Variants in SLC39A6 observed in about 807,000 individuals in gnomAD.
SLC39A6 encodes the protein zinc transporter ZIP6.
A neutral mutation model predicts 63.5 loss-of-function variants in SLC39A6; 51 were observed. The ratio of observed to expected loss-of-function variants is 0.80; its 90% CI spans 0.64 to 1.01. The LOEUF (loss-of-function observed/expected upper bound fraction) is 1.01. SLC39A6 is among the 50% of genes least tolerant of loss of function. The pLI is 0.00. For missense variants in SLC39A6, 805 were observed against 927.8 expected, an observed-to-expected ratio of 0.87 and a Z score of 1.72; for synonymous variants, 318 against 324.7, an observed-to-expected ratio of 0.98 and a Z score of 0.22.
At chr18:36,120,856 A>C (rs984536630) in intron 5 of SLC39A6, among the ~76,000 whole-genome samples, 1 of 152,236 alleles carries the variant, frequency 6.6e-6, no homozygotes, top group Non-Finnish European at 1.5e-5. Context: ...CAAGGTGCTA[A>C]AAAAAGATAT....
intron 9 of SLC39A6, 50 bp from the exon 10 acceptor site, chr18:36,109,795 C>G: frequency 3.3e-6 from 5 of 1,515,260 alleles, no homozygotes; most frequent in Non-Finnish European, 4.5e-6. Context: ...GTTTTTAGAA[C>G]TACAGATTAG....
Position 36,122,017 on chromosome 18 carries a change from G to A in SLC39A6, c.1359+35C>T, listed in dbSNP as rs769973765. The A allele has an allele frequency of 2.3e-5, 33 of 1,431,944 alleles. No homozygotes were observed. The South Asian group carries it at 3.5e-4, about 15-fold the overall frequency. The allele number at this position is 1,431,944 out of a possible 1,614,324, so 88.7% of individuals were successfully genotyped here. ...AGAGTACTACTATAAATAAATATCT[G>A]AAGCATAGTAAGTACTCGGTATACT... On this transcript the variant is annotated intron_variant, in intron 5 of 9. Coordinates refer to ENST00000269187, the MANE Select transcript of SLC39A6 (RefSeq NM_012319.4).
intron 2 of SLC39A6, 148 bp from the exon 3 acceptor site, chr18:36,124,848 G>T: frequency 1.7e-6 from 1 of 578,624 alleles, no homozygotes. Context: ...TTTGGAACTT[G>T]CCTCCAGCTA....
intron 5 of SLC39A6, among the ~76,000 whole-genome samples, chr18:36,118,316 T>G (rs1303602735): frequency 2.0e-5 from 3 of 152,170 alleles, no homozygotes; most frequent in Non-Finnish European, 4.4e-5. Context: ...GAGCTTACTA[T>G]CCACAGGGAG....
intron 6 of SLC39A6, among the ~76,000 whole-genome samples, chr18:36,115,704 G>C (rs2089339819): frequency 6.6e-6 from 1 of 152,174 alleles, no homozygotes; most frequent in Non-Finnish European, 1.5e-5. Context: ...AGCGTGAAAA[G>C]AGGGCCAGTG....
At chr18:36,123,769 G>C (rs2089413242) in intron 3 of SLC39A6, 105 bp from the exon 4 acceptor site, 1 of 1,120,290 alleles carries the variant, frequency 8.9e-7, no homozygotes, top group South Asian at 1.7e-5. Flanking sequence ...AAGGAGAGAA[G>C]CTAAAAACAC....
intron 9 of SLC39A6, among the ~76,000 whole-genome samples, chr18:36,110,182 G>A (rs544887706): frequency 9.2e-5 from 14 of 152,122 alleles, no homozygotes; most frequent in South Asian, 2.1e-4. Flanking sequence ...CAATTTTAGC[G>A]GTAAGATTGG....
rs904765087 is a variant in SLC39A6, at chr18:36,109,186, G to A, written c.*407C>T. 6.6e-6 allele frequency: 1 copy of A among 152,418 alleles called. No individual in the cohort carries two copies. Among genetic ancestry groups the A allele is most frequent in the African/African-American group, 2.4e-5 (1 of 41,364 alleles). The allele number at this position is 152,418 out of a possible 1,614,324, so 9.4% of individuals were successfully genotyped here. ...TCCTTTATTTCTTTGCTTAAATTCA[G>A]TATAAGCTTTCTTGGTATTTTAGGC... On this transcript the variant is annotated 3_prime_UTR_variant, in exon 10 of 10. Transcript: ENST00000269187.
chr18:36,127,151 C>G (rs1598714761), intron 1 of SLC39A6, 135 bp from the exon 2 acceptor site: 1 of 750,840 alleles, frequency 1.3e-6, no homozygotes, highest in African/African-American at 1.8e-5. Flanking sequence ...CAGTGTGACG[C>G]TAGGTACTGT....
chr18:36,117,104 G>A (rs2089352155), intron 5 of SLC39A6, among the ~76,000 whole-genome samples: 1 of 152,212 alleles, frequency 6.6e-6, no homozygotes, highest in Non-Finnish European at 1.5e-5. Flanking sequence ...GGGTGTGGTG[G>A]CATGCGCCTG....
At chr18:36,121,947 A>T (rs2089397668) in intron 5 of SLC39A6, 105 bp downstream of exon 5, 2 of 801,142 alleles carry the variant, frequency 2.5e-6, no homozygotes, top group African/African-American at 1.7e-5. Flanking sequence ...CTCCCTCTCA[A>T]ATAAAGCTCA....
rs1323105424 is a variant in SLC39A6, at chr18:36,111,163, C to T, written c.2011G>A (p.Gly671Arg). ...CCAATGAAAATTCCTGTTGCCATTC[C>T]AAGATACGCCAGCATGGCTGACAAT... ...NALSAMLAYL[G>R]MATGIFIGHY... Residue 671 changes from glycine (G) to arginine (R), a missense_variant, in exon 9 of 10, where the codon GGA becomes AGA. Transcript: ENST00000269187. 6.2e-7 allele frequency: 1 copy of T among 1,614,020 alleles called. No individual in the cohort carries two copies. Among genetic ancestry groups the T allele is most frequent in the Non-Finnish European group, 8.5e-7 (1 of 1,180,002 alleles).
intron 5 of SLC39A6, among the ~76,000 whole-genome samples, chr18:36,117,365 C>T (rs751828309): frequency 9.2e-5 from 14 of 152,190 alleles, no homozygotes; most frequent in Non-Finnish European, 1.9e-4. Flanking sequence ...CTTTTTATAA[C>T]CTAAAACTAT....
At chr18:36,110,630 C>T (rs1803522165) in intron 9 of SLC39A6, among the ~76,000 whole-genome samples, 1 of 152,070 alleles carries the variant, frequency 6.6e-6, no homozygotes, top group Non-Finnish European at 1.5e-5. Flanking sequence ...CCTCCATCTC[C>T]TGGGTTCAAG....
At position 36,126,690 on chromosome 18, in the gene SLC39A6, T is replaced by G; in HGVS notation, c.318A>C (p.Ser106=). ...CATGGTCTGAGTGACGCTCATGGTC[T>G]GAGTGATGCTCGTGGTCTGAGTGAT... The part of the protein sequence containing the change: ...HDHHSDHEHH[S]DHERHSDHEH... The change falls in exon 2 of 10, where the codon TCA becomes TCC. Residue 106 remains serine (S), a synonymous_variant. Coordinates refer to ENST00000269187, the MANE Select transcript of SLC39A6 (RefSeq NM_012319.4). 1.2e-6 allele frequency: 2 copies of G among 1,613,382 alleles called. No individual in the cohort carries two copies. Among genetic ancestry groups the G allele is most frequent in the Non-Finnish European group, 1.7e-6 (2 of 1,179,574 alleles).
rs976300586 is a variant in SLC39A6, at chr18:36,126,394, A to G, written c.614T>C (p.Ile205Thr). Residue 205 changes from isoleucine (I) to threonine (T), a missense_variant, in exon 2 of 10, where the codon ATA becomes ACA. Physicochemically the swap from Ile to Thr is moderately conservative, Grantham distance 89. Coordinates refer to ENST00000269187, the MANE Select transcript of SLC39A6 (RefSeq NM_012319.4). ...VSEGTHFLET[I>T]ETPRPGKLFP... is the part of the protein sequence containing the mutation. ...GAGTTTTCCAGGTCTTGGAGTCTCT[A>G]TTGTCTCTAGAAAGTGAGTTCCTTC... 28 of 1,614,106 alleles carry G rather than the reference A, an allele frequency of 1.7e-5. No homozygotes were observed. The African/African-American group carries it at 3.3e-4, about 19-fold the overall frequency.
At chr18:36,127,592 G>C (rs2089450314) in intron 1 of SLC39A6, among the ~76,000 whole-genome samples, 1 of 151,100 alleles carries the variant, frequency 6.6e-6, no homozygotes, top group African/African-American at 2.4e-5. Context: ...CCAAAAAATA[G>C]AAATAATAAT....
chr18:36,124,652 C>G lies in SLC39A6; in HGVS notation c.838G>C (p.Val280Leu), dbSNP rs1375889598. 6.3e-7 allele frequency: 1 copy of G among 1,582,014 alleles called. No individual in the cohort carries two copies. Among genetic ancestry groups the G allele is most frequent in the Non-Finnish European group, 8.7e-7 (1 of 1,154,500 alleles). ...LLTSHGMGIQVPLNATEFNYL... is the reference protein window; with the variant it reads ...LLTSHGMGIQLPLNATEFNYL... Reference sequence around the variant, plus strand: ...TTGAACTCTGTTGCATTCAGCGGAACCTGGATGCCCATGCCATGAGATGTC... The same window carrying G: ...TTGAACTCTGTTGCATTCAGCGGAAGCTGGATGCCCATGCCATGAGATGTC... Residue 280 changes from valine to leucine, a missense_variant, in exon 3 of 10, where the codon GTT becomes CTT. Around this residue, in one of 4 missense-constraint regions of SLC39A6, gnomAD observed 639 missense variants for 644.0 expected, o/e 0.99. Transcript: ENST00000269187.
At chr18:36,111,675 G>C (rs1323986128) in intron 8 of SLC39A6, among the ~76,000 whole-genome samples, 1 of 151,988 alleles carries the variant, frequency 6.6e-6, no homozygotes, top group African/African-American at 2.4e-5. Context: ...AGTAGAGACG[G>C]GGTTTCACCA....
Sources: gnomAD v4.1 joint callset for allele counts (sites outside exome capture counted in the v4.1 genomes callset) on GRCh38, gnomAD v4.1.1 for gene constraint, gnomAD v4.1.1 regional missense constraint, MANE v1.5 for transcripts, NCBI Gene and HGNC (gene_info 2026-07-23, HGNC 2026-07-21) for gene names.